GALNT13: variants seen among roughly 807,000 people sequenced by gnomAD.
GALNT13 encodes the protein polypeptide N-acetylgalactosaminyltransferase 13, also known as UDP-GalNAc:polypeptide N-acetylgalactosaminyltransferase 13.
Under a neutral mutation model 64.2 loss-of-function variants are expected in GALNT13, and 28 were observed. The observed-to-expected ratio is 0.44, with a 90% CI of 0.32 to 0.60. GALNT13 has a LOEUF of 0.60. Among genes scored for constraint, GALNT13 ranks in the 20% least tolerant of loss-of-function variants. The pLI is 0.05. For missense variants in GALNT13, 577 were observed against 669.8 expected, an observed-to-expected ratio of 0.86 and a Z score of 1.53; for synonymous variants, 214 against 224.6, an observed-to-expected ratio of 0.95 and a Z score of 0.42.
chr2:153,334,363 C>T, the GALNT13 span, among the ~76,000 whole-genome samples: 3 of 152,138 alleles, frequency 2.0e-5, no homozygotes, highest in Non-Finnish European at 2.9e-5. Flanking sequence ...AGAGGCTGTG[C>T]TCCCAATGAA....
the GALNT13 span, among the ~76,000 whole-genome samples, chr2:153,754,598 A>T: frequency 2.4e-4 from 37 of 152,096 alleles, no homozygotes; most frequent in African/African-American, 8.9e-4. Flanking sequence ...GCTCTGCTCA[A>T]GTAGTAGGAA....
chr2:153,475,763 G>A, the GALNT13 span, among the ~76,000 whole-genome samples: 2 of 152,116 alleles, frequency 1.3e-5, no homozygotes, highest in Non-Finnish European at 2.9e-5. Context: ...TGGATTCACA[G>A]GTGAGCTAAT....
intron 4 of GALNT13, among the ~76,000 whole-genome samples, chr2:154,182,305 G>C (rs1436635574): frequency 6.6e-6 from 1 of 152,058 alleles, no homozygotes; most frequent in African/African-American, 2.4e-5. Context: ...ATTTCCAGTT[G>C]CGCATACTGA....
the GALNT13 span, among the ~76,000 whole-genome samples, chr2:153,853,830 G>A: frequency 1.3e-5 from 2 of 151,414 alleles, no homozygotes; most frequent in Non-Finnish European, 2.9e-5. Context: ...CTAGTGACAG[G>A]AAGCAGAATA....
the GALNT13 span, among the ~76,000 whole-genome samples, chr2:153,118,813 G>T: frequency 6.6e-6 from 1 of 152,000 alleles, no homozygotes; most frequent in Non-Finnish European, 1.5e-5. Context: ...CATATTATAG[G>T]TGAGAAGACA....
intron 6 of GALNT13, among the ~76,000 whole-genome samples, chr2:154,244,424 A>G (rs1689665359): frequency 6.6e-6 from 1 of 152,176 alleles, no homozygotes; most frequent in Non-Finnish European, 1.5e-5. Flanking sequence ...TTGATCGCAG[A>G]TAAGTTGAGG....
chr2:153,624,275 G>T, the GALNT13 span, among the ~76,000 whole-genome samples: 1 of 152,008 alleles, frequency 6.6e-6, no homozygotes, highest in African/African-American at 2.4e-5. Context: ...GCCTATTTCT[G>T]TGTGACATTT....
the GALNT13 span, among the ~76,000 whole-genome samples, chr2:153,352,945 C>T: frequency 2.0e-5 from 3 of 151,990 alleles, no homozygotes; most frequent in Admixed American, 1.3e-4. Context: ...GAATCTTTTG[C>T]CTCTGTCTAT....
intron 8 of GALNT13, among the ~76,000 whole-genome samples, chr2:154,270,197 A>G (rs1203695440): frequency 6.6e-6 from 1 of 151,642 alleles, no homozygotes; most frequent in Non-Finnish European, 1.5e-5. Context: ...TTCAATAACT[A>G]CATTCCTCTA....
At chr2:154,326,034 G>A (rs1694860387) in intron 9 of GALNT13, among the ~76,000 whole-genome samples, 2 of 152,096 alleles carry the variant, frequency 1.3e-5, no homozygotes, top group South Asian at 4.1e-4. Context: ...TATTCAGTAT[G>A]TGTTGTCATC....
the GALNT13 span, among the ~76,000 whole-genome samples, chr2:153,605,657 AAG>A: frequency 1.3e-5 from 2 of 152,104 alleles, no homozygotes; most frequent in African/African-American, 4.8e-5. Context: ...CTAGAGTAAA[AAG>A]AAAATGGTTA....
the GALNT13 span, among the ~76,000 whole-genome samples, chr2:153,306,813 G>C: frequency 0.017 from 2,549 of 152,222 alleles, 71 homozygotes; most frequent in African/African-American, 0.057. Context: ...GAGCGCAGTG[G>C]CGTGATCTCT....
the GALNT13 span, among the ~76,000 whole-genome samples, chr2:153,617,705 A>C: frequency 6.6e-6 from 1 of 151,748 alleles, no homozygotes; most frequent in East Asian, 1.9e-4. Context: ...TTACTGGGAA[A>C]TTATTTATTA....
intron 10 of GALNT13, among the ~76,000 whole-genome samples, chr2:154,408,596 A>G (rs1220675392): frequency 1.3e-5 from 2 of 152,118 alleles, no homozygotes; most frequent in Admixed American, 6.6e-5. Context: ...ATGCAATAGT[A>G]TAGGAGTTCA....
chr2:153,387,995 T>G, the GALNT13 span, among the ~76,000 whole-genome samples: 2 of 141,188 alleles, frequency 1.4e-5, no homozygotes, highest in African/African-American at 5.3e-5. Context: ...ATAGTAACTT[T>G]GGGAATTGTG....
Position 153,957,771 on chromosome 2 carries a change from T to C in GALNT13, c.142+13132T>C, listed in dbSNP as rs541823615. Among the ~76,000 whole-genome samples the C allele has an allele frequency of 2.2e-4, 34 of 152,316 alleles. No homozygotes were observed. In the South Asian group the frequency reaches 6.8e-3, roughly 31 times the overall value. ...TTTTTGGCTATTTCTTTTTCTTTTT[T>C]TTCCTATTGCCCTGAGATAGTTCTC... is the stretch of plus-strand genomic sequence containing the variant. On this transcript the variant is annotated intron_variant, in intron 3 of 12. Coordinates refer to ENST00000392825, the MANE Select transcript of GALNT13 (RefSeq NM_052917.4).
chr2:153,867,178 G>C (rs1685781878), upstream of GALNT13, among the ~76,000 whole-genome samples: 1 of 152,128 alleles, frequency 6.6e-6, no homozygotes, highest in Non-Finnish European at 1.5e-5. Flanking sequence ...ATTCCCACTA[G>C]CAGTTTCTGC....
chr2:153,829,234 C>T, the GALNT13 span, among the ~76,000 whole-genome samples: 1 of 152,078 alleles, frequency 6.6e-6, no homozygotes, highest in Non-Finnish European at 1.5e-5. Context: ...TTCAGCAGCA[C>T]CCCACTCTAC....
chr2:153,740,864 G>A, the GALNT13 span, among the ~76,000 whole-genome samples: 2 of 152,216 alleles, frequency 1.3e-5, no homozygotes, highest in East Asian at 3.9e-4. Context: ...ATTTGGGGCA[G>A]CCCCCTTTTA....
Sources: allele counts gnomAD v4.1 joint callset (sites outside exome capture counted in the v4.1 genomes callset), GRCh38; gene constraint gnomAD v4.1.1; transcripts MANE v1.5; gene names NCBI Gene and HGNC (gene_info 2026-07-23, HGNC 2026-07-21).